Variants in FANCI observed in about 807,000 individuals in gnomAD.
FANCI encodes the protein Fanconi anemia group I protein.
FANCI carries 156 observed loss-of-function variants against 176.1 expected under a neutral mutation model. That is an observed-to-expected ratio of 0.89 (90% confidence interval 0.78 to 1.01). The LOEUF is 1.01. Among genes scored for constraint, FANCI ranks in the 50% least tolerant of loss-of-function variants. The probability of loss-of-function intolerance (pLI) is 0.00; values close to 1 mark genes in which losing one functional copy is unlikely to be tolerated. For synonymous variants in FANCI, 613 were observed against 541.7 expected (o/e 1.13, Z -1.83); for missense variants, 1,678 against 1,534.1 (o/e 1.09, Z -1.57).
chr15:89,312,877 T>G, intron 34 of FANCI, 27 bp from the exon 35 acceptor site: 1 of 1,555,916 alleles, frequency 6.4e-7, no homozygotes, highest in Non-Finnish European at 8.9e-7. Context: ...TCATCAGGAA[T>G]AAGAGAATGT....
chr15:89,277,058 T>G (rs887801492), intron 13 of FANCI, among the ~76,000 whole-genome samples, 167 bp downstream of exon 13: 2 of 152,244 alleles, frequency 1.3e-5, no homozygotes. Context: ...AGATCCAGTT[T>G]GATGGAATAC....
intron 8 of FANCI, 131 bp downstream of exon 8, chr15:89,264,157 C>G (rs572796452): frequency 1.7e-5 from 18 of 1,033,840 alleles, no homozygotes; most frequent in Middle Eastern, 5.0e-4. Context: ...TTCACGTGAG[C>G]AAACATAGCC....
At chr15:89,278,830 C>A in intron 14 of FANCI, 56 bp downstream of exon 14, 1 of 1,458,570 alleles carries the variant, frequency 6.9e-7, no homozygotes, top group South Asian at 1.1e-5. Flanking sequence ...ATTTCAATGT[C>A]ATAATCATTT....
At chr15:89,263,499 T>A (rs2052803955) in intron 7 of FANCI, 39 bp downstream of exon 7, 1 of 1,526,266 alleles carries the variant, frequency 6.6e-7, no homozygotes, top group Admixed American at 1.7e-5. Flanking sequence ...TGTATCCTGC[T>A]TTGTGAACTT....
In FANCI at chr15:89,316,573, C is replaced by T. The variant is rs1437275334; in HGVS notation, c.*114C>T. The T allele has an allele frequency of 9.1e-6, 11 of 1,202,796 alleles. No individual in the cohort carries two copies. In the Admixed American group the frequency reaches 2.0e-4, roughly 22 times the overall value. The allele number at this position is 1,202,796 out of a possible 1,614,324, so 74.5% of individuals were successfully genotyped here. A position where few individuals can be genotyped will look rare whatever the true frequency, so the allele number is the denominator to read the frequency against. Reference sequence around the variant, plus strand: ...CGATGTTGGCATCTTGGTTCTGAACCCACTGAATTCAACTGCACCTTCAGT... The same window carrying T: ...CGATGTTGGCATCTTGGTTCTGAACTCACTGAATTCAACTGCACCTTCAGT... On this transcript the variant is annotated 3_prime_UTR_variant, in exon 38 of 38. Transcript: ENST00000310775.
intron 9 of FANCI, among the ~76,000 whole-genome samples, chr15:89,265,521 T>A (rs1406710934): frequency 1.3e-5 from 2 of 151,564 alleles, no homozygotes; most frequent in Non-Finnish European, 2.9e-5. Flanking sequence ...ATTTTTGTTT[T>A]TTCTTTCTTT....
chr15:89,286,603 G>T (rs1429025086), intron 18 of FANCI, among the ~76,000 whole-genome samples: 5 of 152,102 alleles, frequency 3.3e-5, no homozygotes, highest in African/African-American at 9.7e-5. Flanking sequence ...AAAATATTCA[G>T]CAAACCATGC....
At chr15:89,313,823 C>A (rs1227902898) in intron 35 of FANCI, among the ~76,000 whole-genome samples, 2 of 151,778 alleles carry the variant, frequency 1.3e-5, no homozygotes, top group African/African-American at 2.4e-5. Flanking sequence ...AAATAAACAT[C>A]TAAATGTTCA....
chr15:89,316,158 AAGTATCCTC>A, intron 37 of FANCI: 2 of 552,100 alleles, frequency 3.6e-6, no homozygotes, highest in Non-Finnish European at 6.5e-6. Context: ...TTTGTCCCAT[AAGTATCCTC>A]AGTATAGCAA....
At chr15:89,275,844 A>G (rs907890626) in intron 12 of FANCI, among the ~76,000 whole-genome samples, 2 of 152,364 alleles carry the variant, frequency 1.3e-5, no homozygotes, top group Non-Finnish European at 2.9e-5. Flanking sequence ...GGGTGGGACC[A>G]AACCTCAGCT....
At chr15:89,251,857 T>C (rs928017988) in intron 2 of FANCI, among the ~76,000 whole-genome samples, 4 of 152,218 alleles carry the variant, frequency 2.6e-5, no homozygotes, top group Non-Finnish European at 4.4e-5. Flanking sequence ...ATCTAAATTC[T>C]AGAGTCAGCA....
intron 14 of FANCI, among the ~76,000 whole-genome samples, chr15:89,279,508 T>G (rs2053534977): frequency 1.3e-5 from 2 of 152,204 alleles, no homozygotes; most frequent in Non-Finnish European, 2.9e-5. Flanking sequence ...TTTACTAGCC[T>G]TCATCACAAA....
rs765028410 is a variant in FANCI at position 89,273,511 on chromosome 15, T to TG, written c.975+42_975+43insG. The stretch of plus-strand genomic sequence containing the variant: ...CCATTTTGTTTCTTTCTGTAGTTGG[T>TG]AAAAAAAAAAAAAAAAAAAAAAAAT... On this transcript the variant is annotated intron_variant, in intron 11 of 37. Transcript: ENST00000310775. The TG allele has an allele frequency of 1.7e-4, 83 of 476,802 alleles. No homozygotes were observed. The Middle Eastern group carries it at 1.9e-3, about 11-fold the overall frequency. 29.5% of individuals were successfully genotyped at this position (476,802 alleles called of 1,614,324 possible). A position where few individuals can be genotyped will look rare whatever the true frequency, so the allele number is the denominator to read the frequency against.
At position 89,293,891 on chromosome 15, in the gene FANCI, A is replaced by G. The variant is rs1421332670; in HGVS notation, c.2350A>G (p.Ile784Val). 6.2e-7 allele frequency: 1 copy of G among 1,614,160 alleles called. No individual in the cohort carries two copies. Among genetic ancestry groups the G allele is most frequent in the Non-Finnish European group, 8.5e-7 (1 of 1,180,018 alleles). ...LFMCYKKLSD[I>V]LNEKAGKAKT... Reference sequence around the variant, plus strand: ...TATGTGTTACAAAAAACTCTCTGACATTCTTAATGAAAAAGCGGGTAAAGC... The same window carrying G: ...TATGTGTTACAAAAAACTCTCTGACGTTCTTAATGAAAAAGCGGGTAAAGC... The change falls in exon 23 of 38, where the codon ATT becomes GTT. Residue 784 changes from isoleucine to valine, a missense_variant. Ile to Val is a conservative substitution (Grantham distance 29, BLOSUM62 3). Coordinates refer to ENST00000310775, the MANE Select transcript of FANCI (RefSeq NM_001113378.2).
At chr15:89,255,058 C>G (rs2052434941) in intron 2 of FANCI, among the ~76,000 whole-genome samples, 1 of 152,202 alleles carries the variant, frequency 6.6e-6, no homozygotes, top group African/African-American at 2.4e-5. Flanking sequence ...GTTCCAGGAT[C>G]CCACTCAGCA....
intron 22 of FANCI, 66 bp from the exon 23 acceptor site, chr15:89,293,767 A>C (rs909708029): frequency 2.9e-5 from 41 of 1,401,382 alleles, no homozygotes; most frequent in Non-Finnish European, 3.6e-5. Flanking sequence ...GATTATTATC[A>C]TATGTAAAAG....
chr15:89,281,288 T>C lies in FANCI; in HGVS notation c.1500T>C (p.Leu500=). The change falls in exon 15 of 38, where the codon CTT becomes CTC. Residue 500 remains leucine, a synonymous_variant. Transcript: ENST00000310775. The part of the protein sequence containing the change: ...FLPLQTVQRL[L]KAVQPLLKVS... Reference sequence around the variant, plus strand: ...CCCTTCAGACTGTACAAAGGCTGCTTAAGGCAGTGCAGGTAAGTCTTCAGA... The same window carrying C: ...CCCTTCAGACTGTACAAAGGCTGCTCAAGGCAGTGCAGGTAAGTCTTCAGA... The C allele has an allele frequency of 6.2e-7, 1 of 1,613,786 alleles. No individual in the cohort carries two copies.
intron 10 of FANCI, among the ~76,000 whole-genome samples, chr15:89,271,651 A>G (rs943281476): frequency 5.3e-5 from 8 of 152,156 alleles, no homozygotes; most frequent in Admixed American, 3.9e-4. Context: ...GGCGCACACC[A>G]CCATGCCTGG....
rs749355151 is a variant in FANCI at position 89,316,783 on chromosome 15, A to C, written c.*324A>C. On this transcript the variant is annotated 3_prime_UTR_variant, in exon 38 of 38. Transcript: ENST00000310775. The stretch of plus-strand genomic sequence containing the variant: ...CCAGGCTGGCTTCGTTTTTCCAAGG[A>C]GCCTTTGGTGAGTTCAATTATCTGG... The C allele has an allele frequency of 1.4e-5, 22 of 1,613,874 alleles. No homozygotes were observed. The highest frequency in any genetic ancestry group is 9.3e-5 in the African/African-American group (7 of 74,904).
Sources: allele counts gnomAD v4.1 joint callset (sites outside exome capture counted in the v4.1 genomes callset), GRCh38; gene constraint gnomAD v4.1.1; transcripts MANE v1.5; gene names NCBI Gene and HGNC (gene_info 2026-07-23, HGNC 2026-07-21).